The following N4BP2 variants were observed in gnomAD, a reference collection of about 807,000 sequenced individuals.
N4BP2 encodes NEDD4 binding protein 2, also known as NEDD4-binding protein 2.
N4BP2 carries 91 observed loss-of-function variants against 152.8 expected under a neutral mutation model. That is an observed-to-expected ratio of 0.60 (90% CI 0.50 to 0.71). The LOEUF (loss-of-function observed/expected upper bound fraction) is 0.71. N4BP2 is among the 30% of genes least tolerant of loss of function. N4BP2 has a pLI of 0.00. For missense variants in N4BP2, 1,923 were observed against 2,059.1 expected (o/e 0.93, Z 1.28); for synonymous variants, 646 against 705.3 (o/e 0.92, Z 1.33).
chr4:40,093,301 G>A (rs1054005233), intron 2 of N4BP2, among the ~76,000 whole-genome samples: 3 of 151,970 alleles, frequency 2.0e-5, no homozygotes, highest in Admixed American at 6.6e-5. Flanking sequence ...TTTGCCCTTC[G>A]TTTTCTGGGT....
At chr4:40,092,039 TATATATAG>T (rs1432492455) in intron 2 of N4BP2, among the ~76,000 whole-genome samples, 1 of 115,214 alleles carries the variant, frequency 8.7e-6, no homozygotes, top group African/African-American at 3.3e-5. Flanking sequence ...TATATATATA[TATATATAG>T]CTGAATTTTA....
At position 40,077,554 on chromosome 4, in the gene N4BP2, A is replaced by G. The variant is rs537101805; in HGVS notation, c.-115+4003A>G. On this transcript the variant is annotated intron_variant, in intron 2 of 17. Coordinates refer to ENST00000261435, the MANE Select transcript of N4BP2 (RefSeq NM_018177.6). ...CTGCAACCTCTGCCTCCCGGATTCA[A>G]GCGATTCTCCTGCCTCAGCCATCTG... Among the ~76,000 whole-genome samples, 1,340 of 151,822 alleles carry G rather than the reference A, an allele frequency of 8.8e-3. 6 individuals carry two copies. Among genetic ancestry groups the G allele is most frequent in the Non-Finnish European group, 0.016 (1,085 of 67,984 alleles).
chr4:40,082,987 AC>A (rs1166441395), intron 2 of N4BP2: 1 of 235,012 alleles, frequency 4.3e-6, no homozygotes. Context: ...AGTGTGAGCC[AC>A]CGCACCCGGC....
In N4BP2 at chr4:40,124,203, A is replaced by G. The variant is rs1171586118; in HGVS notation, c.4328A>G (p.Gln1443Arg). 2 of 1,603,682 alleles carry G rather than the reference A, an allele frequency of 1.2e-6. No homozygotes were observed. Among genetic ancestry groups the G allele is most frequent in the South Asian group, 2.2e-5 (2 of 89,834 alleles). ...QEEVSCGKFM[Q>R]DPSLVGHTGL... The stretch of plus-strand genomic sequence containing the variant: ...GAGGTGTCTTGTGGCAAGTTTATGC[A>G]AGGTAAAGCACATGTTTTTATTTCT... Residue 1443 changes from glutamine (Q) to arginine (R), a missense_variant and splice_region_variant, in exon 11 of 18, where the codon CAA becomes CGA. By Grantham distance (43) the Gln-to-Arg change is conservative (BLOSUM62 1). Coordinates refer to ENST00000261435, the MANE Select transcript of N4BP2 (RefSeq NM_018177.6).
At chr4:40,119,871 C>A in intron 8 of N4BP2, 61 bp from the exon 9 acceptor site, 1 of 745,884 alleles carries the variant, frequency 1.3e-6, no homozygotes, top group Non-Finnish European at 2.2e-6. Flanking sequence ...TTCTTTAAAT[C>A]ATAGTATTGA....
At chr4:40,179,233 G>A in the N4BP2 span, among the ~76,000 whole-genome samples, 1 of 152,090 alleles carries the variant, frequency 6.6e-6, no homozygotes, top group Admixed American at 6.6e-5. Context: ...AGCTGGGTGT[G>A]GTGGCTGACG....
intron 2 of N4BP2, among the ~76,000 whole-genome samples, chr4:40,096,935 G>A (rs888257870): frequency 1.3e-5 from 2 of 152,138 alleles, no homozygotes; most frequent in Admixed American, 1.3e-4. Context: ...CTGAGTATAG[G>A]TGTTCAGTAC....
At chr4:40,101,653 A>G (rs1355152276) in intron 3 of N4BP2, among the ~76,000 whole-genome samples, 1 of 152,198 alleles carries the variant, frequency 6.6e-6, no homozygotes, top group Admixed American at 6.5e-5. Context: ...TAAATAAGTT[A>G]GATTTACTAA....
intron 2 of N4BP2, among the ~76,000 whole-genome samples, chr4:40,087,346 A>G (rs1345366932): frequency 1.3e-5 from 2 of 151,888 alleles, no homozygotes; most frequent in African/African-American, 2.4e-5. Flanking sequence ...TGAATTTTAC[A>G]TACTTTTTTC....
chr4:40,169,082 G>A, the N4BP2 span, among the ~76,000 whole-genome samples: 1 of 151,022 alleles, frequency 6.6e-6, no homozygotes, highest in African/African-American at 2.4e-5. Flanking sequence ...TCATAAACTT[G>A]GCCACAAAAA....
intron 2 of N4BP2, among the ~76,000 whole-genome samples, chr4:40,097,015 C>A (rs1275231783): frequency 6.6e-6 from 1 of 152,060 alleles, no homozygotes; most frequent in Non-Finnish European, 1.5e-5. Context: ...ATAGTGTATT[C>A]ATTGTTCTGA....
intron 13 of N4BP2, among the ~76,000 whole-genome samples, chr4:40,135,867 A>G (rs1176759077): frequency 6.6e-6 from 1 of 152,186 alleles, no homozygotes; most frequent in Non-Finnish European, 1.5e-5. Flanking sequence ...ATGTCTGCCT[A>G]GTTAACCAGA....
intron 2 of N4BP2, chr4:40,083,130 G>T: frequency 1.5e-5 from 1 of 66,392 alleles, no homozygotes; most frequent in Non-Finnish European, 3.6e-5. Flanking sequence ...CATAGAAAAA[G>T]GAAAAAACAA....
intron 5 of N4BP2, among the ~76,000 whole-genome samples, chr4:40,110,827 C>T (rs771162779): frequency 6.6e-5 from 10 of 152,102 alleles, no homozygotes; most frequent in South Asian, 4.1e-4. Flanking sequence ...TGTGAGGTAC[C>T]GTGCCCAGCC....
chr4:40,062,090 T>C (rs1489824051), intron 1 of N4BP2, among the ~76,000 whole-genome samples: 2 of 150,082 alleles, frequency 1.3e-5, no homozygotes, highest in Admixed American at 1.3e-4. Context: ...TTTTTTTTTT[T>C]TTTCTTGAGA....
downstream of N4BP2, among the ~76,000 whole-genome samples, chr4:40,160,226 T>A (rs1298470262): frequency 6.6e-6 from 1 of 152,204 alleles, no homozygotes; most frequent in Non-Finnish European, 1.5e-5. Context: ...TGGCAGGAAG[T>A]ACATTAGTCA....
chr4:40,073,205 T>C (rs1712386174), intron 1 of N4BP2, among the ~76,000 whole-genome samples: 1 of 152,206 alleles, frequency 6.6e-6, no homozygotes. Context: ...GCTATTTTGT[T>C]ACCTGGAATT....
intron 2 of N4BP2, among the ~76,000 whole-genome samples, chr4:40,092,011 TATATATATATATATATATATA>T (rs1278933832): frequency 6.6e-5 from 2 of 30,192 alleles, no homozygotes; most frequent in South Asian, 2.1e-3. Flanking sequence ...AAAAAAATTA[TATATATATATATATATATATA>T]TATATATATA....
At position 40,144,665 on chromosome 4, in the gene N4BP2, A is replaced by T; in HGVS notation, c.5008A>T (p.Asn1670Tyr). ...TCATGAGCAGAAGATGAAAGAAGCC[A>T]ATCACCTTGCTGCCATAGAGATCTT... The part of the protein sequence containing the change: ...TLHEQKMKEA[N>Y]HLAAIEIFEK... Residue 1670 changes from asparagine to tyrosine, a missense_variant, in exon 16 of 18, where the codon AAT becomes TAT. Transcript: ENST00000261435. The T allele has an allele frequency of 1.2e-6, 2 of 1,613,416 alleles. No homozygotes were observed. The highest frequency in any genetic ancestry group is 1.7e-6 in the Non-Finnish European group (2 of 1,179,758).
Sources: gnomAD v4.1 joint callset for allele counts (sites outside exome capture counted in the v4.1 genomes callset) on GRCh38, gnomAD v4.1.1 for gene constraint, MANE v1.5 for transcripts, NCBI Gene and HGNC (gene_info 2026-07-23, HGNC 2026-07-21) for gene names.